The following ASTN2 variants were observed in gnomAD, a reference collection of about 807,000 sequenced individuals.
The protein encoded by ASTN2 is astrotactin-2.
Under a neutral mutation model 139.8 loss-of-function variants are expected in ASTN2, and 54 were observed. The ratio of observed to expected loss-of-function variants is 0.39; its 90% confidence interval spans 0.31 to 0.48. The LOEUF (loss-of-function observed/expected upper bound fraction) is 0.48. ASTN2 is among the 20% of genes least tolerant of loss of function. ASTN2 has a pLI of 0.95. For synonymous variants in ASTN2, 756 were observed against 719.5 expected, an observed-to-expected ratio of 1.05 and a Z score of -0.81; for missense variants, 1,565 against 1,725.1, an observed-to-expected ratio of 0.91 and a Z score of 1.64.
At chr9:117,145,073 C>T (rs1588013259) in intron 3 of ASTN2, among the ~76,000 whole-genome samples, 1 of 151,964 alleles carries the variant, frequency 6.6e-6, no homozygotes, top group Non-Finnish European at 1.5e-5. Context: ...GGTTGGTGTG[C>T]AGAGTATTTT....
chr9:116,706,923 G>A (rs187789163), intron 16 of ASTN2, among the ~76,000 whole-genome samples: 81 of 152,032 alleles, frequency 5.3e-4, no homozygotes, highest in African/African-American at 1.8e-3. Flanking sequence ...GAATAAAGTG[G>A]CATTTAAGAA....
intron 19 of ASTN2, among the ~76,000 whole-genome samples, chr9:116,519,439 A>T (rs978977756): frequency 1.3e-5 from 2 of 151,562 alleles, no homozygotes; most frequent in African/African-American, 4.8e-5. Context: ...AGATGGAAAT[A>T]AAAAAAAATC....
chr9:116,668,612 C>T (rs1266205497), intron 16 of ASTN2, among the ~76,000 whole-genome samples: 1 of 152,216 alleles, frequency 6.6e-6, no homozygotes, highest in Non-Finnish European at 1.5e-5. Flanking sequence ...AGCTATTTAT[C>T]CATTCACCTA....
chr9:117,337,810 C>T (rs1286119427), intron 1 of ASTN2, among the ~76,000 whole-genome samples: 2 of 152,088 alleles, frequency 1.3e-5, no homozygotes, highest in East Asian at 1.9e-4. Flanking sequence ...GAAGCAGAAG[C>T]AAACACAACT....
At chr9:116,773,259 A>G (rs1463920245) in intron 13 of ASTN2, among the ~76,000 whole-genome samples, 5 of 152,058 alleles carry the variant, frequency 3.3e-5, no homozygotes, top group Non-Finnish European at 7.4e-5. Flanking sequence ...CTGGATCCCA[A>G]CTCTGAGCTA....
intron 13 of ASTN2, among the ~76,000 whole-genome samples, chr9:116,745,645 T>C (rs2132145155): frequency 6.6e-6 from 1 of 152,266 alleles, no homozygotes; most frequent in South Asian, 2.1e-4. Flanking sequence ...CAGGGTTTGG[T>C]ATAGACACAG....
chr9:117,326,230 AC>A (rs1474256968), intron 1 of ASTN2, among the ~76,000 whole-genome samples: 1 of 152,108 alleles, frequency 6.6e-6, no homozygotes, highest in Non-Finnish European at 1.5e-5. Context: ...CCAGATGTGG[AC>A]TGTGGGCAGC....
rs185123922 is a variant in ASTN2, at chr9:116,999,159, T to C, written c.1591+8933A>G. 8.8e-3 allele frequency among the ~76,000 whole-genome samples: 1,335 copies of C among 152,324 alleles called. 20 individuals are homozygous for C. The highest frequency in any genetic ancestry group is 0.031 in the African/African-American group (1,277 of 41,568). ...AATTCAATTTGCTATAAATGCCATT[T>C]ACAAATTGTTTCAATCATACTTACA... On this transcript the variant is annotated intron_variant, in intron 7 of 22. Coordinates refer to ENST00000313400, the MANE Select transcript of ASTN2 (RefSeq NM_001365068.1).
chr9:117,292,769 T>C (rs1275925493), intron 1 of ASTN2, among the ~76,000 whole-genome samples: 3 of 151,956 alleles, frequency 2.0e-5, no homozygotes, highest in Admixed American at 6.6e-5. Context: ...ACTTATCCAA[T>C]CAGCTCTCTC....
chr9:116,661,765 G>A (rs1858575048), intron 16 of ASTN2, among the ~76,000 whole-genome samples: 1 of 152,048 alleles, frequency 6.6e-6, no homozygotes, highest in Non-Finnish European at 1.5e-5. Context: ...AGTTACACAA[G>A]TTGAGCTCTG....
chr9:116,827,207 G>T (rs559175031), intron 11 of ASTN2, among the ~76,000 whole-genome samples: 3 of 151,010 alleles, frequency 2.0e-5, no homozygotes, highest in Non-Finnish European at 4.4e-5. Context: ...TACTTGGGAG[G>T]CTGAGGCAAG....
At chr9:117,274,684 CTTCT>C (rs1834144613) in intron 2 of ASTN2, among the ~76,000 whole-genome samples, 4 of 152,202 alleles carry the variant, frequency 2.6e-5, no homozygotes, top group Admixed American at 6.5e-5. Flanking sequence ...TTACCAAGAA[CTTCT>C]TTCAAGTTAT....
intron 1 of ASTN2, among the ~76,000 whole-genome samples, chr9:117,399,656 A>C (rs191998498): frequency 6.6e-6 from 1 of 152,220 alleles, no homozygotes; most frequent in Non-Finnish European, 1.5e-5. Context: ...ACCTTATGCA[A>C]TAAGGGTCTA....
chr9:117,349,907 G>C (rs1829336443), intron 1 of ASTN2, among the ~76,000 whole-genome samples: 1 of 152,166 alleles, frequency 6.6e-6, no homozygotes, highest in African/African-American at 2.4e-5. Context: ...TCACATAACA[G>C]AGGAAAGCAA....
chr9:117,061,097 CAAACAG>C lies in ASTN2; in HGVS notation c.1277-21138_1277-21133del, dbSNP rs200236525. 1.6e-4 allele frequency among the ~76,000 whole-genome samples: 24 copies of C among 152,118 alleles called. No individual in the cohort carries two copies. In the East Asian group the frequency reaches 4.4e-3, roughly 28 times the overall value. ...TCCAAGTTCAAGGAAGGCAGAAATA[CAAACAG>C]AAAGTTAGGTCACAGTTACAAACTA... On this transcript the variant is annotated intron_variant, in intron 5 of 22. Coordinates refer to ENST00000313400, the MANE Select transcript of ASTN2 (RefSeq NM_001365068.1).
intron 5 of ASTN2, among the ~76,000 whole-genome samples, chr9:117,073,277 G>T (rs529961992): frequency 1.3e-5 from 2 of 151,958 alleles, no homozygotes; most frequent in South Asian, 4.2e-4. Flanking sequence ...AACTCATTCC[G>T]CTCAGCTTCC....
At chr9:116,539,666 T>C (rs565301516) in intron 19 of ASTN2, among the ~76,000 whole-genome samples, 12 of 152,330 alleles carry the variant, frequency 7.9e-5, no homozygotes, top group Admixed American at 7.8e-4. Context: ...TCTAATAACC[T>C]GGACGGCTAC....
intron 4 of ASTN2, among the ~76,000 whole-genome samples, chr9:117,126,717 G>T (rs555474803): frequency 6.6e-6 from 1 of 152,182 alleles, no homozygotes; most frequent in East Asian, 1.9e-4. Flanking sequence ...TAGCACCAAA[G>T]TAATTTACTC....
At chr9:116,515,517 G>A (rs767275451) in intron 19 of ASTN2, among the ~76,000 whole-genome samples, 3 of 152,174 alleles carry the variant, frequency 2.0e-5, no homozygotes, top group Non-Finnish European at 4.4e-5. Context: ...CTGTCCTGAG[G>A]AAGGAGCCAA....
Sources: gnomAD v4.1 joint callset for allele counts (sites outside exome capture counted in the v4.1 genomes callset) on GRCh38, gnomAD v4.1.1 for gene constraint, MANE v1.5 for transcripts, NCBI Gene and HGNC (gene_info 2026-07-23, HGNC 2026-07-21) for gene names.